MARCHF3: variants seen among roughly 807,000 people sequenced by gnomAD.
MARCHF3 encodes E3 ubiquitin-protein ligase MARCHF3.
Under a neutral mutation model 24.2 loss-of-function variants are expected in MARCHF3, and 13 were observed. The ratio of observed to expected loss-of-function variants is 0.54; its 90% confidence interval spans 0.35 to 0.85. MARCHF3 has a LOEUF of 0.85. Among genes scored for constraint, MARCHF3 ranks in the 40% least tolerant of loss-of-function variants. The pLI, the probability that MARCHF3 is intolerant of heterozygous loss-of-function variation, is 0.01. For missense variants in MARCHF3, 276 were observed against 325.0 expected, an observed-to-expected ratio of 0.85 and a Z score of 1.16; for synonymous variants, 144 against 137.3, an observed-to-expected ratio of 1.05 and a Z score of -0.34.
chr5:126,978,221 A>G (rs1751269614), intron 1 of MARCHF3, among the ~76,000 whole-genome samples: 1 of 152,178 alleles, frequency 6.6e-6, no homozygotes, highest in African/African-American at 2.4e-5. Flanking sequence ...AGCTGGATTT[A>G]TTTTGGAGGG....
intron 3 of MARCHF3, among the ~76,000 whole-genome samples, chr5:126,880,286 G>A (rs77806417): frequency 0.017 from 2,514 of 152,148 alleles, 66 homozygotes; most frequent in African/African-American, 0.057. Context: ...CTTAAACACG[G>A]GCTGAAATGC....
intron 3 of MARCHF3, among the ~76,000 whole-genome samples, chr5:126,892,094 G>C (rs979481886): frequency 6.6e-6 from 1 of 151,746 alleles, no homozygotes; most frequent in Non-Finnish European, 1.5e-5. Flanking sequence ...CTGTTTGTCT[G>C]TTGCTGGTGT....
intron 3 of MARCHF3, among the ~76,000 whole-genome samples, chr5:126,882,925 G>T (rs1753388832): frequency 6.6e-6 from 1 of 152,188 alleles, no homozygotes; most frequent in South Asian, 2.1e-4. Context: ...TGTGGCTTTA[G>T]TTCATGAAGT....
At chr5:127,022,745 T>G (rs1455068413) in intron 1 of MARCHF3, among the ~76,000 whole-genome samples, 1 of 152,206 alleles carries the variant, frequency 6.6e-6, no homozygotes, top group African/African-American at 2.4e-5. Flanking sequence ...GCATTTGAGT[T>G]CATGACCTAA....
intron 1 of MARCHF3, among the ~76,000 whole-genome samples, chr5:126,927,752 A>T (rs987980990): frequency 6.6e-6 from 1 of 151,934 alleles, no homozygotes; most frequent in Non-Finnish European, 1.5e-5. Context: ...TCACTTAGCC[A>T]CTCAGAAGGA....
chr5:126,953,641 G>A (rs897027794), intron 1 of MARCHF3, among the ~76,000 whole-genome samples: 1 of 152,222 alleles, frequency 6.6e-6, no homozygotes, highest in Admixed American at 6.5e-5. Context: ...TTACTTCTTT[G>A]TAAGTAACTT....
At chr5:126,885,673 ATTAG>A (rs1404797604) in intron 3 of MARCHF3, among the ~76,000 whole-genome samples, 1 of 152,232 alleles carries the variant, frequency 6.6e-6, no homozygotes, top group African/African-American at 2.4e-5. Context: ...ATCTTACAGT[ATTAG>A]TTAGACTAGT....
chr5:126,897,100 C>T (rs1478185202), intron 3 of MARCHF3, among the ~76,000 whole-genome samples: 2 of 134,434 alleles, frequency 1.5e-5, no homozygotes, highest in African/African-American at 5.8e-5. Flanking sequence ...AGTGCAATGG[C>T]ACAATCTCGG....
In MARCHF3 at chr5:126,918,145, C is replaced by T; in HGVS notation, c.27G>A (p.Leu9=). 2.5e-6 allele frequency: 4 copies of T among 1,613,746 alleles called. No homozygotes were observed. The highest frequency in any genetic ancestry group is 3.4e-6 in the Non-Finnish European group (4 of 1,179,920). ...TGGTGCAGTCTGGCAGGACTTCGGG[C>T]AGGTGACTGCAGCGGCTGGTTGTCA... The part of the protein sequence containing the change: MTTSRCSH[L]PEVLPDCTSS... The change falls in exon 2 of 5, where the codon CTG becomes CTA. Residue 9 remains leucine, a synonymous_variant. Transcript: ENST00000308660.
At chr5:127,012,312 T>C (rs1161846231) in intron 1 of MARCHF3, among the ~76,000 whole-genome samples, 1 of 152,338 alleles carries the variant, frequency 6.6e-6, no homozygotes, top group Non-Finnish European at 1.5e-5. Flanking sequence ...ATAATAGTTA[T>C]GAACCATTAA....
At position 126,907,495 on chromosome 5, in the gene MARCHF3, G is replaced by C. The variant is rs533584291; in HGVS notation, c.393+7435C>G. ...ACTCAGGACTTGCTTTATGAATCTG[G>C]GTGCTCCTGTATTGGGTGCATATAT... On this transcript the variant is annotated intron_variant, in intron 3 of 4. Transcript: ENST00000308660. Among the ~76,000 whole-genome samples the C allele has an allele frequency of 1.8e-3, 280 of 151,672 alleles. 2 individuals are homozygous for C. Among genetic ancestry groups the C allele is most frequent in the African/African-American group, 6.6e-3 (273 of 41,272 alleles).
chr5:127,002,807 C>T (rs1752171465), intron 1 of MARCHF3, among the ~76,000 whole-genome samples: 1 of 152,202 alleles, frequency 6.6e-6, no homozygotes, highest in Non-Finnish European at 1.5e-5. Context: ...CTTCTTGGAA[C>T]ATTTTTCAGG....
chr5:126,959,345 A>T (rs192462113), intron 1 of MARCHF3, among the ~76,000 whole-genome samples: 60 of 152,320 alleles, frequency 3.9e-4, no homozygotes, highest in African/African-American at 1.4e-3. Flanking sequence ...AATCCCAAAC[A>T]GTCCCAAAAA....
At chr5:126,971,282 T>C (rs927778019) in intron 1 of MARCHF3, among the ~76,000 whole-genome samples, 3 of 151,648 alleles carry the variant, frequency 2.0e-5, no homozygotes, top group African/African-American at 7.3e-5. Flanking sequence ...ACCCTGTCTC[T>C]ACTAAAAATA....
At chr5:126,912,687 T>C (rs1441253968) in intron 3 of MARCHF3, among the ~76,000 whole-genome samples, 1 of 152,190 alleles carries the variant, frequency 6.6e-6, no homozygotes, top group East Asian at 1.9e-4. Context: ...TAATGTCATT[T>C]GTTTAAAACT....
At chr5:126,998,412 T>C (rs1371796745) in intron 1 of MARCHF3, among the ~76,000 whole-genome samples, 1 of 152,228 alleles carries the variant, frequency 6.6e-6, no homozygotes, top group Non-Finnish European at 1.5e-5. Context: ...ATGCTCCAGC[T>C]TGGATCAAGA....
rs575272827 is a variant in MARCHF3, at chr5:126,911,336, G to A, written c.393+3594C>T. Among the ~76,000 whole-genome samples, 10 of 152,070 alleles carry A rather than the reference G, an allele frequency of 6.6e-5. No individual in the cohort carries two copies. In the East Asian group the frequency reaches 1.7e-3, roughly 26 times the overall value. ...AACTTGCTGGTTTTACGGCTCAGGG[G>A]GCATCACAGAACCTGCCGACATGTG... On this transcript the variant is annotated intron_variant, in intron 3 of 4. Transcript: ENST00000308660.
At chr5:126,986,623 T>C (rs1162866142) in intron 1 of MARCHF3, among the ~76,000 whole-genome samples, 2 of 152,174 alleles carry the variant, frequency 1.3e-5, no homozygotes, top group African/African-American at 2.4e-5. Flanking sequence ...TACAATGAGA[T>C]AGATACCCAA....
At chr5:126,923,793 A>C (rs911317229) in intron 1 of MARCHF3, among the ~76,000 whole-genome samples, 1 of 152,238 alleles carries the variant, frequency 6.6e-6, no homozygotes, top group African/African-American at 2.4e-5. Flanking sequence ...TCTTACTGCA[A>C]TAAAATACAA....
Sources: gnomAD v4.1 joint callset for allele counts (sites outside exome capture counted in the v4.1 genomes callset) on GRCh38, gnomAD v4.1.1 for gene constraint, MANE v1.5 for transcripts, NCBI Gene and HGNC (gene_info 2026-07-23, HGNC 2026-07-21) for gene names.